Variants in PCGF5 observed in about 807,000 individuals in gnomAD.
PCGF5 encodes polycomb group ring finger 5.
PCGF5 carries 9 observed loss-of-function variants against 44.3 expected under a neutral mutation model. The ratio of observed to expected loss-of-function variants is 0.20; its 90% CI spans 0.12 to 0.35. PCGF5 has a LOEUF of 0.35. Among genes scored for constraint, PCGF5 ranks in the 10% least tolerant of loss-of-function variants. The pLI is 1.00. For missense variants in PCGF5, 146 were observed against 305.3 expected, an observed-to-expected ratio of 0.48 and a Z score of 3.89; for synonymous variants, 95 against 102.5, an observed-to-expected ratio of 0.93 and a Z score of 0.44.
At chr10:91,223,027 T>C (rs749821646) in intron 2 of PCGF5, 44 bp downstream of exon 2, 1 of 1,271,062 alleles carries the variant, frequency 7.9e-7, no homozygotes, top group African/African-American at 1.5e-5. Context: ...AGTTTATATG[T>C]ACATTTTGTT....
chr10:91,244,085 A>G (rs1018007807), intron 3 of PCGF5, among the ~76,000 whole-genome samples: 1 of 152,176 alleles, frequency 6.6e-6, no homozygotes, highest in African/African-American at 2.4e-5. Context: ...GAGACAGTCA[A>G]TAAACCATAT....
At chr10:91,211,907 G>A (rs761433552) in intron 1 of PCGF5, among the ~76,000 whole-genome samples, 3 of 152,302 alleles carry the variant, frequency 2.0e-5, no homozygotes, top group South Asian at 4.1e-4. Context: ...AAAGTGGTCT[G>A]GAAGGTGGTT....
At chr10:91,198,161 A>C (rs930053770) in intron 1 of PCGF5, among the ~76,000 whole-genome samples, 7 of 152,184 alleles carry the variant, frequency 4.6e-5, no homozygotes, top group African/African-American at 1.4e-4. Flanking sequence ...CATTTTATGT[A>C]ATTATGTTTC....
rs144865237 is a variant in PCGF5 at position 91,198,043 on chromosome 10, A to G, written c.-183-24646A>G. Among the ~76,000 whole-genome samples, 574 of 152,368 alleles carry G rather than the reference A, an allele frequency of 3.8e-3. 2 individuals are homozygous for G. Among genetic ancestry groups the G allele is most frequent in the Non-Finnish European group, 6.6e-3 (446 of 68,030 alleles). ...AAATACGTGCCCTCACAGAGCTTACATTCTAATGGGTAGAGATAAATATAT... is the reference window on the plus strand; with the variant it reads ...AAATACGTGCCCTCACAGAGCTTACGTTCTAATGGGTAGAGATAAATATAT... On this transcript the variant is annotated intron_variant, in intron 1 of 9. Transcript: ENST00000614189.
chr10:91,229,055 A>T (rs1844930157), intron 2 of PCGF5, among the ~76,000 whole-genome samples: 2 of 152,264 alleles, frequency 1.3e-5, no homozygotes, highest in South Asian at 4.1e-4. Flanking sequence ...TAAAGGAATG[A>T]AATATTAGCT....
At chr10:91,185,263 C>T (rs956872459) in intron 1 of PCGF5, among the ~76,000 whole-genome samples, 1 of 152,142 alleles carries the variant, frequency 6.6e-6, no homozygotes, top group Non-Finnish European at 1.5e-5. Flanking sequence ...GGAATGGATC[C>T]GGGATTCACT....
intron 2 of PCGF5, among the ~76,000 whole-genome samples, chr10:91,225,006 A>G (rs1047693257): frequency 4.6e-5 from 7 of 151,918 alleles, no homozygotes; most frequent in African/African-American, 1.7e-4. Flanking sequence ...AAAACTGTCA[A>G]CTCTGGATGA....
In PCGF5 at chr10:91,225,071, A is replaced by G. The variant is rs1844782748; in HGVS notation, c.112+2088A>G. On this transcript the variant is annotated intron_variant, in intron 2 of 9. Transcript: ENST00000336126. ...TATCTATATGCTACAAATTTTATAT[A>G]TGTCCTTTGGAAGAAAATTTTCTTT... 2.0e-5 allele frequency among the ~76,000 whole-genome samples: 3 copies of G among 152,022 alleles called. No homozygotes were observed. The South Asian group carries it at 6.2e-4, about 32-fold the overall frequency.
At chr10:91,180,132 G>A (rs903773309) in intron 1 of PCGF5, among the ~76,000 whole-genome samples, 1 of 151,742 alleles carries the variant, frequency 6.6e-6, no homozygotes, top group South Asian at 2.1e-4. Context: ...CATTATTGGC[G>A]GCATGTATGT....
intron 1 of PCGF5, among the ~76,000 whole-genome samples, chr10:91,177,089 G>T (rs1321515281): frequency 2.5e-4 from 37 of 146,782 alleles, no homozygotes; most frequent in African/African-American, 6.9e-4. Context: ...GTTTTGGTGT[G>T]GATGTCCTTT....
chr10:91,264,119 C>T (rs988618253), intron 7 of PCGF5, among the ~76,000 whole-genome samples: 1 of 152,090 alleles, frequency 6.6e-6, no homozygotes, highest in Non-Finnish European at 1.5e-5. Flanking sequence ...ATGCCTTAAA[C>T]CTCTAAGAGA....
At chr10:91,216,138 A>G (rs922095915), upstream of PCGF5, among the ~76,000 whole-genome samples, 4 of 152,258 alleles carry the variant, frequency 2.6e-5, no homozygotes, top group Non-Finnish European at 5.9e-5. Flanking sequence ...GATCCAGATG[A>G]GTAAATCAGA....
At chr10:91,218,224 C>T (rs1038885055), upstream of PCGF5, among the ~76,000 whole-genome samples, 1 of 152,210 alleles carries the variant, frequency 6.6e-6, no homozygotes, top group African/African-American at 2.4e-5. Flanking sequence ...TATGAATTCA[C>T]CACGTCTCAG....
At chr10:91,192,377 G>C (rs907245587) in intron 1 of PCGF5, among the ~76,000 whole-genome samples, 1 of 152,206 alleles carries the variant, frequency 6.6e-6, no homozygotes, top group African/African-American at 2.4e-5. Context: ...ATACATTGCT[G>C]TGAGTCTTCA....
At chr10:91,235,232 C>T (rs1845126172) in intron 2 of PCGF5, among the ~76,000 whole-genome samples, 1 of 152,144 alleles carries the variant, frequency 6.6e-6, no homozygotes, top group Non-Finnish European at 1.5e-5. Context: ...GCCTGTGAGT[C>T]AATTCTTTAA....
intron 7 of PCGF5, 46 bp from the exon 8 acceptor site, chr10:91,264,385 T>A (rs752183492): frequency 1.4e-6 from 2 of 1,427,578 alleles, no homozygotes; most frequent in Non-Finnish European, 1.9e-6. Flanking sequence ...AAAATACTTT[T>A]GAATTCAACA....
At chr10:91,182,022 G>A (rs1393240843) in intron 1 of PCGF5, among the ~76,000 whole-genome samples, 1 of 152,120 alleles carries the variant, frequency 6.6e-6, no homozygotes, top group Non-Finnish European at 1.5e-5. Context: ...AGTCTTTGGA[G>A]GGTGTATGTG....
At chr10:91,163,322 G>GGCCGGGC (rs1380728469) in intron 1 of PCGF5, among the ~76,000 whole-genome samples, 8 of 151,386 alleles carry the variant, frequency 5.3e-5, no homozygotes, top group African/African-American at 1.9e-4. Context: ...GGCACGGCGG[G>GGCCGGGC]GCCGGGCGCC....
chr10:91,266,038 C>A (rs1846042939), intron 8 of PCGF5, among the ~76,000 whole-genome samples: 2 of 152,074 alleles, frequency 1.3e-5, no homozygotes, highest in Non-Finnish European at 2.9e-5. Context: ...CATCAATCAC[C>A]CTCAGTTAAT....
Sources: allele counts gnomAD v4.1 joint callset (sites outside exome capture counted in the v4.1 genomes callset), GRCh38; gene constraint gnomAD v4.1.1; transcripts MANE v1.5; gene names NCBI Gene and HGNC (gene_info 2026-07-23, HGNC 2026-07-21).